SPON1: variants seen among roughly 807,000 people sequenced by gnomAD.
SPON1 encodes the protein spondin 1.
In SPON1, 52 loss-of-function variants were observed where a neutral mutation model predicts 111.7. The ratio of observed to expected loss-of-function variants is 0.47; its 90% CI spans 0.37 to 0.59. The LOEUF (loss-of-function observed/expected upper bound fraction) is 0.59. SPON1 is among the 20% of genes least tolerant of loss of function. The probability of loss-of-function intolerance (pLI) is 0.00; values close to 1 mark genes in which losing one functional copy is unlikely to be tolerated. For missense variants in SPON1, 957 were observed against 1,068.5 expected, an observed-to-expected ratio of 0.90 and a Z score of 1.46; for synonymous variants, 410 against 395.8, an observed-to-expected ratio of 1.04 and a Z score of -0.43.
chr11:14,210,924 A>G (rs1205332882), intron 6 of SPON1, among the ~76,000 whole-genome samples: 1 of 152,022 alleles, frequency 6.6e-6, no homozygotes, highest in Admixed American at 6.6e-5. Context: ...GATGTGTGGC[A>G]TTATTTCTGA....
chr11:14,143,526 A>G (rs7951566), intron 6 of SPON1, among the ~76,000 whole-genome samples: 58,859 of 150,836 alleles, frequency 0.39, 11,729 homozygotes, highest in East Asian at 0.55. Context: ...ACACCACTGC[A>G]CTCCAGCCTG....
At chr11:14,016,747 A>T (rs1848446797) in intron 2 of SPON1, among the ~76,000 whole-genome samples, 1 of 152,206 alleles carries the variant, frequency 6.6e-6, no homozygotes, top group Non-Finnish European at 1.5e-5. Context: ...TGGAGACTAA[A>T]ATTGGGAAAG....
intron 3 of SPON1, among the ~76,000 whole-genome samples, chr11:14,052,452 A>G (rs1848714996): frequency 6.6e-6 from 1 of 152,214 alleles, no homozygotes; most frequent in Non-Finnish European, 1.5e-5. Context: ...AAGAGGAACT[A>G]CAGGCTCCTT....
intron 6 of SPON1, among the ~76,000 whole-genome samples, chr11:14,227,038 G>C (rs566328644): frequency 1.3e-5 from 2 of 152,234 alleles, no homozygotes; most frequent in South Asian, 4.2e-4. Context: ...CCCATCTCAA[G>C]ATCATTAACA....
chr11:14,101,507 T>C (rs1849143820), intron 5 of SPON1, among the ~76,000 whole-genome samples: 1 of 152,172 alleles, frequency 6.6e-6, no homozygotes, highest in African/African-American at 2.4e-5. Context: ...TGGAGATTTA[T>C]TTTTTGTCAA....
chr11:14,055,807 T>A (rs904017167), intron 3 of SPON1, among the ~76,000 whole-genome samples: 17 of 152,154 alleles, frequency 1.1e-4, no homozygotes, highest in African/African-American at 4.1e-4. Context: ...CTCACAGAGA[T>A]CCTACATAAC....
At chr11:14,058,606 C>T (rs1005988142) in intron 3 of SPON1, among the ~76,000 whole-genome samples, 4 of 152,068 alleles carry the variant, frequency 2.6e-5, no homozygotes, top group South Asian at 2.1e-4. Flanking sequence ...GTGATTGGGG[C>T]GAAGGTGAGG....
chr11:14,162,328 A>G (rs1554931475), intron 6 of SPON1, among the ~76,000 whole-genome samples: 1 of 152,206 alleles, frequency 6.6e-6, no homozygotes, highest in Non-Finnish European at 1.5e-5. Context: ...AATTCAAATG[A>G]GAGCAGAAGT....
intron 3 of SPON1, among the ~76,000 whole-genome samples, chr11:14,050,058 A>T (rs1203076319): frequency 6.6e-6 from 1 of 152,180 alleles, no homozygotes; most frequent in African/African-American, 2.4e-5. Context: ...ACTGGGTTTC[A>T]TGTAAATGTT....
intron 5 of SPON1, among the ~76,000 whole-genome samples, chr11:14,096,010 A>C (rs533568362): frequency 2.0e-5 from 3 of 152,380 alleles, no homozygotes; most frequent in East Asian, 3.9e-4. Flanking sequence ...TGCTGCCACC[A>C]GGCTGAGTCA....
intron 6 of SPON1, among the ~76,000 whole-genome samples, chr11:14,162,038 A>G (rs1170274538): frequency 6.6e-6 from 1 of 151,784 alleles, no homozygotes; most frequent in Non-Finnish European, 1.5e-5. Context: ...AGCGCCTGTA[A>G]TCCCAGCTAC....
chr11:14,008,035 A>G (rs1554913349), intron 2 of SPON1, among the ~76,000 whole-genome samples: 1 of 152,144 alleles, frequency 6.6e-6, no homozygotes, highest in Non-Finnish European at 1.5e-5. Context: ...TACTATTCAC[A>G]CTTTCTGGGG....
intron 3 of SPON1, among the ~76,000 whole-genome samples, chr11:14,047,449 T>C (rs1848676775): frequency 6.6e-6 from 1 of 152,134 alleles, no homozygotes; most frequent in African/African-American, 2.4e-5. Context: ...ATACCAGACA[T>C]TGAGAAAGAT....
intron 2 of SPON1, among the ~76,000 whole-genome samples, chr11:14,003,708 A>G (rs1403193717): frequency 6.6e-6 from 1 of 152,194 alleles, no homozygotes; most frequent in African/African-American, 2.4e-5. Context: ...TATAGATAGT[A>G]TACATAATGA....
rs781900983 is a variant in SPON1, at chr11:13,963,052, G to A, written c.148G>A (p.Ala50Thr). Residue 50 changes from alanine (A) to threonine (T), a missense_variant, in exon 1 of 16, where the codon GCC (alanine) becomes ACC (threonine). This residue lies in a region of SPON1 where 262 missense variants were observed against 253.9 expected (regional missense o/e 1.03). Transcript: ENST00000576479. ...GGGCTACTGCAGCCGTATCCTGCGC[G>A]CCCAGGGCACGCGGCGCGAGGGCTA... The part of the protein sequence containing the change: ...SEGYCSRILR[A>T]QGTRREGYTE... 1.3e-6 allele frequency: 2 copies of A among 1,580,208 alleles called. No individual in the cohort carries two copies. Among genetic ancestry groups the A allele is most frequent in the African/African-American group, 1.4e-5 (1 of 73,408 alleles).
intron 2 of SPON1, among the ~76,000 whole-genome samples, chr11:13,983,750 T>G (rs1848161900): frequency 3.3e-5 from 5 of 152,206 alleles, no homozygotes; most frequent in Admixed American, 3.3e-4. Flanking sequence ...TTTGCTGTAA[T>G]TACTTCTCAT....
At chr11:14,007,650 C>G (rs1476989704) in intron 2 of SPON1, among the ~76,000 whole-genome samples, 2 of 152,174 alleles carry the variant, frequency 1.3e-5, no homozygotes, top group Admixed American at 1.3e-4. Flanking sequence ...ATCCTTCAAT[C>G]CAATCAAGTT....
intron 6 of SPON1, among the ~76,000 whole-genome samples, chr11:14,153,622 A>G (rs1217976361): frequency 6.6e-6 from 1 of 152,150 alleles, no homozygotes; most frequent in Non-Finnish European, 1.5e-5. Flanking sequence ...GAGCCAAACC[A>G]TATCATTCTG....
intron 2 of SPON1, among the ~76,000 whole-genome samples, chr11:14,021,780 C>T (rs1346905288): frequency 1.3e-5 from 2 of 152,162 alleles, no homozygotes; most frequent in Non-Finnish European, 2.9e-5. Flanking sequence ...CTGATACACA[C>T]GAAGTTGTTT....
Sources: allele counts gnomAD v4.1 joint callset (sites outside exome capture counted in the v4.1 genomes callset), GRCh38; gene constraint gnomAD v4.1.1; regional missense constraint gnomAD v4.1.1; transcripts MANE v1.5; gene names NCBI Gene and HGNC (gene_info 2026-07-23, HGNC 2026-07-21).